The following ARHGEF3 variants were observed in gnomAD, a reference collection of about 807,000 sequenced individuals.
The protein encoded by ARHGEF3 is 59.8 kDA protein.
Under a neutral mutation model 63.2 loss-of-function variants are expected in ARHGEF3, and 28 were observed. That is an observed-to-expected ratio of 0.44 (90% CI 0.33 to 0.61). The LOEUF is 0.61. ARHGEF3 is among the 20% of genes least tolerant of loss of function. The pLI is 0.03. For synonymous variants in ARHGEF3, 266 were observed against 254.2 expected, an observed-to-expected ratio of 1.05 and a Z score of -0.44; for missense variants, 533 against 659.3, an observed-to-expected ratio of 0.81 and a Z score of 2.10.
At chr3:56,871,017 A>G (rs571448603) in intron 4 of ARHGEF3, among the ~76,000 whole-genome samples, 1 of 152,268 alleles carries the variant, frequency 6.6e-6, no homozygotes, top group Non-Finnish European at 1.5e-5. Flanking sequence ...ATTTTTACAT[A>G]TATATTTATC....
chr3:56,861,762 A>G lies in ARHGEF3; in HGVS notation c.192+20530T>C, dbSNP rs2040079613. On this transcript the variant is annotated intron_variant, in intron 4 of 12. Coordinates refer to the ARHGEF3 transcript ENST00000338458. ...AGTCTGCCACTGCCAAATCCCAAAG[A>G]TCCTGCCGGAAGCATCCCCTCTTCC... Among the ~76,000 whole-genome samples the G allele has an allele frequency of 2.0e-5, 3 of 152,002 alleles. No homozygotes were observed. The South Asian group carries it at 6.2e-4, about 32-fold the overall frequency.
intron 4 of ARHGEF3, among the ~76,000 whole-genome samples, chr3:56,838,472 G>C (rs1391990771): frequency 6.6e-6 from 1 of 152,026 alleles, no homozygotes; most frequent in Non-Finnish European, 1.5e-5. Context: ...TAATAAAAAG[G>C]CTTTTTAAAA....
chr3:56,861,835 TAA>T (rs1303677474), intron 4 of ARHGEF3, among the ~76,000 whole-genome samples: 1 of 150,392 alleles, frequency 6.6e-6, no homozygotes, highest in Non-Finnish European at 1.5e-5. Context: ...TTCTCTCTTC[TAA>T]AAGTGAATGA....
At chr3:56,821,533 G>T (rs567107045) in intron 4 of ARHGEF3, among the ~76,000 whole-genome samples, 1 of 152,278 alleles carries the variant, frequency 6.6e-6, no homozygotes, top group East Asian at 1.9e-4. Flanking sequence ...TGCCATTGAG[G>T]TTATAAGTGA....
Position 56,861,711 on chromosome 3 carries a change from A to G in ARHGEF3, c.192+20581T>C, listed in dbSNP as rs1291919785. Among the ~76,000 whole-genome samples the G allele has an allele frequency of 6.6e-5, 10 of 152,252 alleles. No homozygotes were observed. In the South Asian group the frequency reaches 2.1e-3, roughly 32 times the overall value. ...CTGCTGGGCCCTCAGGAGGCTGTTC[A>G]GGGCCTTGCAGGGAGCAAAGAGTAG... is the stretch of plus-strand genomic sequence containing the variant. On this transcript the variant is annotated intron_variant, in intron 4 of 12. Coordinates refer to the ARHGEF3 transcript ENST00000338458.
intron 3 of ARHGEF3, among the ~76,000 whole-genome samples, chr3:56,931,439 G>A (rs962921996): frequency 9.9e-5 from 15 of 151,958 alleles, no homozygotes. Flanking sequence ...AGCCAGGCAT[G>A]GTGGCATGTG....
chr3:56,819,800 C>T (rs1158292041), intron 4 of ARHGEF3, among the ~76,000 whole-genome samples: 1 of 151,782 alleles, frequency 6.6e-6, no homozygotes, highest in African/African-American at 2.4e-5. Flanking sequence ...GGATTATAGG[C>T]ATGAGCCACT....
chr3:56,807,577 C>T (rs1326151000), intron 4 of ARHGEF3, among the ~76,000 whole-genome samples: 1 of 152,112 alleles, frequency 6.6e-6, no homozygotes, highest in Non-Finnish European at 1.5e-5. Flanking sequence ...AACACCTTTC[C>T]CCTCCCCTTC....
intron 1 of ARHGEF3, among the ~76,000 whole-genome samples, chr3:57,077,548 G>C (rs536299215): frequency 6.6e-6 from 1 of 152,274 alleles, no homozygotes; most frequent in East Asian, 1.9e-4. Flanking sequence ...AATGGGTGCA[G>C]ACCAGGAAAA....
intron 4 of ARHGEF3, among the ~76,000 whole-genome samples, chr3:56,825,163 G>A (rs543418749): frequency 2.0e-5 from 3 of 152,320 alleles, no homozygotes; most frequent in Middle Eastern, 3.4e-3. Context: ...GGGCTATTGT[G>A]AAAACTGCAT....
chr3:56,960,303 T>C (rs1700224081), intron 2 of ARHGEF3, among the ~76,000 whole-genome samples: 1 of 152,166 alleles, frequency 6.6e-6, no homozygotes, highest in South Asian at 2.1e-4. Flanking sequence ...CACTGACGCC[T>C]AGGGATATTA....
intron 3 of ARHGEF3, among the ~76,000 whole-genome samples, chr3:56,882,915 G>A (rs902450478): frequency 6.6e-6 from 1 of 152,128 alleles, no homozygotes; most frequent in African/African-American, 2.4e-5. Context: ...TGCTGTCACA[G>A]TTTGTTTCTC....
At chr3:56,969,752 C>CACA (rs377136029) in intron 2 of ARHGEF3, among the ~76,000 whole-genome samples, 1 of 134,240 alleles carries the variant, frequency 7.4e-6, no homozygotes, top group Non-Finnish European at 1.5e-5. Context: ...GACTCCGTAT[C>CACA]AAAAAAAAAA....
chr3:56,878,005 T>C (rs2040646522), intron 4 of ARHGEF3, among the ~76,000 whole-genome samples: 1 of 152,236 alleles, frequency 6.6e-6, no homozygotes, highest in Non-Finnish European at 1.5e-5. Flanking sequence ...GGTGGGATTG[T>C]CAAACTATTG....
intron 2 of ARHGEF3, among the ~76,000 whole-genome samples, chr3:56,992,391 A>AC (rs1560113622): frequency 5.4e-5 from 6 of 111,082 alleles, no homozygotes; most frequent in Admixed American, 9.1e-5. Flanking sequence ...AAAAAAAAAA[A>AC]AAAAAAAAAA....
At chr3:56,774,698 A>G (rs1380481928) in intron 1 of ARHGEF3, among the ~76,000 whole-genome samples, 2 of 152,126 alleles carry the variant, frequency 1.3e-5, no homozygotes, top group Non-Finnish European at 2.9e-5. Flanking sequence ...TCAGGAGTTC[A>G]AGACCAGCCT....
chr3:56,822,476 G>A (rs2038543617), intron 4 of ARHGEF3, among the ~76,000 whole-genome samples: 1 of 152,190 alleles, frequency 6.6e-6, no homozygotes, highest in African/African-American at 2.4e-5. Flanking sequence ...TGAAAAGCAG[G>A]ATGAAAACTG....
intron 4 of ARHGEF3, among the ~76,000 whole-genome samples, chr3:56,852,559 C>A (rs79350124): frequency 6.6e-6 from 1 of 152,032 alleles, no homozygotes; most frequent in Non-Finnish European, 1.5e-5. Flanking sequence ...TTTTCAAATT[C>A]TCTAATGCGT....
chr3:56,869,299 G>T (rs1347016062), intron 4 of ARHGEF3, among the ~76,000 whole-genome samples: 1 of 152,190 alleles, frequency 6.6e-6, no homozygotes, highest in Non-Finnish European at 1.5e-5. Context: ...ATAAGCCCGT[G>T]ATTTCGTTTC....
Sources: allele counts gnomAD v4.1 joint callset (sites outside exome capture counted in the v4.1 genomes callset), GRCh38; gene constraint gnomAD v4.1.1; transcripts MANE v1.5; gene names NCBI Gene and HGNC (gene_info 2026-07-23, HGNC 2026-07-21).